RIPOR1: variants seen among roughly 807,000 people sequenced by gnomAD.
RIPOR1 encodes the protein rho family-interacting cell polarization regulator 1.
Under a neutral mutation model 116.5 loss-of-function variants are expected in RIPOR1, and 58 were observed. That is an observed-to-expected ratio of 0.50 (90% confidence interval 0.40 to 0.62). RIPOR1 has a LOEUF of 0.62. Ranked by LOEUF, RIPOR1 falls within the 20% of genes least tolerant of loss-of-function variation. The pLI is 0.00. For synonymous variants in RIPOR1, 605 were observed against 650.0 expected (o/e 0.93, Z 1.05); for missense variants, 1,372 against 1,586.2 (o/e 0.86, Z 2.29).
intron 4 of RIPOR1, 130 bp downstream of exon 4, chr16:67,539,198 A>C: frequency 1.3e-6 from 1 of 768,726 alleles, no homozygotes; most frequent in Non-Finnish European, 2.1e-6. Flanking sequence ...AGGGGATATC[A>C]GGAAAGGCTG....
rs79838407 is a variant in RIPOR1, at chr16:67,546,715, A to T, written c.*252A>T. 7.7e-3 allele frequency: 4,366 copies of T among 566,506 alleles called. 162 individuals carry two copies. The highest frequency in any genetic ancestry group is 0.073 in the African/African-American group (3,921 of 53,398). 35.1% of individuals were successfully genotyped at this position (566,506 alleles called of 1,614,324 possible). ...GGGCTTGGCCACCCTGCCGCTGCCC[A>T]GCCACATCCCTTGGTTTTGTATTTT... On this transcript the variant is annotated 3_prime_UTR_variant, in exon 22 of 22. Coordinates refer to ENST00000042381, the MANE Select transcript of RIPOR1 (RefSeq NM_024519.4).
rs1290709979 is a variant in RIPOR1, at chr16:67,537,514, G to C, written c.-23-910G>C. The C allele has an allele frequency of 8.6e-6, 11 of 1,282,254 alleles. No homozygotes were observed. Among genetic ancestry groups the C allele is most frequent in the Middle Eastern group, 2.0e-4 (1 of 4,896 alleles). The allele number at this position is 1,282,254 out of a possible 1,614,324, so 79.4% of individuals were successfully genotyped here. A position where few individuals can be genotyped will look rare whatever the true frequency, so the allele number is the denominator to read the frequency against. On this transcript the variant is annotated intron_variant, in intron 1 of 21. Transcript: ENST00000042381. This position sits in a 1 kb window ranked among gnomAD's most constrained non-coding sequence, Gnocchi z 4.6. ...AGCCCGGAGCCCAGCCGGGCGGCTC[G>C]AAGTGGCCAGGGCCGGAAGGTCCGC...
chr16:67,532,381 C>T (rs1431451254), intron 1 of RIPOR1, among the ~76,000 whole-genome samples: 2 of 151,330 alleles, frequency 1.3e-5, no homozygotes, highest in East Asian at 1.9e-4. Context: ...TGAAACTGAT[C>T]GCTTGAGCCC....
At position 67,543,499 on chromosome 16, in the gene RIPOR1, G is replaced by A. The variant is rs1337059637; in HGVS notation, c.2600+30G>A. 10 of 1,545,572 alleles carry A rather than the reference G, an allele frequency of 6.5e-6. No individual in the cohort carries two copies. In the South Asian group the frequency reaches 1.1e-4, roughly 17 times the overall value. On this transcript the variant is annotated intron_variant, in intron 14 of 21. Coordinates refer to ENST00000042381, the MANE Select transcript of RIPOR1 (RefSeq NM_024519.4). The surrounding 1 kb of genome is among the most constrained non-coding windows in gnomAD (Gnocchi z 4.7). Reference sequence around the variant, plus strand: ...GGGGGCTAGGCAAGATGGGTGTGAGGCTAGGTGAGAGGGAAAAGGTGAGGC... The same window carrying A: ...GGGGGCTAGGCAAGATGGGTGTGAGACTAGGTGAGAGGGAAAAGGTGAGGC...
At position 67,539,730 on chromosome 16, in the gene RIPOR1, C is replaced by T; in HGVS notation, c.339C>T (p.Gly113=). 1 of 1,614,168 alleles carries T rather than the reference C, an allele frequency of 6.2e-7. No individual in the cohort carries two copies. Among genetic ancestry groups the T allele is most frequent in the Non-Finnish European group, 8.5e-7 (1 of 1,180,014 alleles). ...IRESKRNSRL[G]FLYDLDKQVK... The stretch of plus-strand genomic sequence containing the variant: ...GCCCCTTCTCCCCACCCCTGCAGGG[C>T]TTCCTGTATGATCTGGACAAGGTGA... Residue 113 remains glycine (G), a splice_region_variant and synonymous_variant, in exon 5 of 22, where the codon GGC becomes GGT. Coordinates refer to ENST00000042381, the MANE Select transcript of RIPOR1 (RefSeq NM_024519.4).
At position 67,537,895 on chromosome 16, in the gene RIPOR1, A is replaced by G. The variant is rs2050841970; in HGVS notation, c.-23-529A>G. Among the ~76,000 whole-genome samples, 1 of 148,606 alleles carries G rather than the reference A, an allele frequency of 6.7e-6. No individual in the cohort carries two copies. The highest frequency in any genetic ancestry group is 2.1e-4 in the South Asian group (1 of 4,674). Reference sequence around the variant, plus strand: ...GCTGGGGGCAGCAGGTCACGCTGGCAGGCGGGGGGCGGGCGACAAACCCGC... The same window carrying G: ...GCTGGGGGCAGCAGGTCACGCTGGCGGGCGGGGGGCGGGCGACAAACCCGC... On this transcript the variant is annotated intron_variant, in intron 1 of 21. Transcript: ENST00000042381. The surrounding 1 kb of genome is among the most constrained non-coding windows in gnomAD (Gnocchi z 4.6).
At chr16:67,546,299 T>A in intron 21 of RIPOR1, 67 bp from the exon 22 acceptor site, 1 of 1,607,410 alleles carries the variant, frequency 6.2e-7, no homozygotes, top group Non-Finnish European at 8.5e-7. Flanking sequence ...GTAGGAGAGA[T>A]GGCGCCAGGG....
At chr16:67,524,967 A>G (rs1202330905), upstream of RIPOR1, among the ~76,000 whole-genome samples, 1 of 152,208 alleles carries the variant, frequency 6.6e-6, no homozygotes, top group African/African-American at 2.4e-5. Context: ...CATCACCCCA[A>G]GGGTAAAATC....
chr16:67,529,000 G>C (rs1235986700), intron 1 of RIPOR1, 86 bp downstream of exon 1: 1 of 166,480 alleles, frequency 6.0e-6, no homozygotes, highest in East Asian at 1.9e-4. Flanking sequence ...GGCGCCGCCC[G>C]GTGGGTCCGG....
intron 1 of RIPOR1, among the ~76,000 whole-genome samples, chr16:67,522,648 T>G (rs939653287): frequency 4.6e-5 from 7 of 152,190 alleles, no homozygotes; most frequent in Admixed American, 2.0e-4. Context: ...ACCATGCTTA[T>G]TATATTGAGT....
Position 67,544,463 on chromosome 16 carries a change from T to C in RIPOR1, c.2733+32T>C. 6.3e-7 allele frequency: 1 copy of C among 1,587,168 alleles called. No individual in the cohort carries two copies. The highest frequency in any genetic ancestry group is 8.6e-7 in the Non-Finnish European group (1 of 1,167,026). On this transcript the variant is annotated intron_variant, in intron 15 of 21. Transcript: ENST00000042381. The surrounding 1 kb of genome is among the most constrained non-coding windows in gnomAD (Gnocchi z 5.1). The stretch of plus-strand genomic sequence containing the variant: ...CTGATGGTGTTCCCCCACCCTTCCT[T>C]TGTAACCCCTAACCCCAGGGAGTCC...
Position 67,529,918 on chromosome 16 carries a change from G to T in RIPOR1, c.-24+1004G>T. The T allele has an allele frequency of 8.5e-7, 1 of 1,179,768 alleles. No individual in the cohort carries two copies. Among genetic ancestry groups the T allele is most frequent in the Non-Finnish European group, 1.2e-6 (1 of 821,564 alleles). 73.1% of individuals were successfully genotyped at this position (1,179,768 alleles called of 1,614,324 possible). A position where few individuals can be genotyped will look rare whatever the true frequency, so the allele number is the denominator to read the frequency against. Reference sequence around the variant, plus strand: ...TGGGAGAAGCGAGGATTAGATCTGAGTCCTTGCCCCTGCGACACCCACCTC... The same window carrying T: ...TGGGAGAAGCGAGGATTAGATCTGATTCCTTGCCCCTGCGACACCCACCTC... On this transcript the variant is annotated intron_variant, in intron 1 of 21. Coordinates refer to ENST00000042381, the MANE Select transcript of RIPOR1 (RefSeq NM_024519.4). The surrounding 1 kb of genome is among the most constrained non-coding windows in gnomAD (Gnocchi z 4.1).
chr16:67,545,690 G>T lies in RIPOR1; in HGVS notation c.3217G>T (p.Asp1073Tyr), dbSNP rs1256576923. The T allele has an allele frequency of 6.3e-6, 10 of 1,575,896 alleles. No individual in the cohort carries two copies. The highest frequency in any genetic ancestry group is 8.6e-6 in the Non-Finnish European group (10 of 1,160,572). Residue 1073 changes from aspartate to tyrosine, a missense_variant, in exon 19 of 22, where the codon GAT (aspartate) becomes TAT (tyrosine). Asp to Tyr is a radical substitution (Grantham distance 160). This residue lies in a region of RIPOR1 where 1,005 missense variants were observed against 1,144.7 expected (regional missense o/e 0.88). Coordinates refer to ENST00000042381, the MANE Select transcript of RIPOR1 (RefSeq NM_024519.4). This position sits in a 1 kb window ranked among gnomAD's most constrained non-coding sequence, Gnocchi z 4.8. Reference protein sequence around the residue: ...EVLLVRNLNSDDQAVVLKALR... With the variant: ...EVLLVRNLNSYDQAVVLKALR... ...GCTACTGGTGCGGAATCTGAACTCG[G>T]ATGATCAGGCTGTTGTGCTGAAGGC...
At chr16:67,532,189 G>C (rs529870654) in intron 1 of RIPOR1, among the ~76,000 whole-genome samples, 1 of 152,100 alleles carries the variant, frequency 6.6e-6, no homozygotes, top group South Asian at 2.1e-4. Flanking sequence ...GTGAGCCACC[G>C]CACCCGGCCG....
At chr16:67,524,538 C>T (rs1479523437), upstream of RIPOR1, among the ~76,000 whole-genome samples, 2 of 152,160 alleles carry the variant, frequency 1.3e-5, no homozygotes, top group Non-Finnish European at 2.9e-5. Flanking sequence ...GCCTTCTGGA[C>T]ACTTCCTCCT....
chr16:67,531,774 C>G lies in RIPOR1; in HGVS notation c.-24+2860C>G, dbSNP rs963632354. Reference sequence around the variant, plus strand: ...GAGAGTCTGGGCTTTCTCCCTGGGACAAGAGTGGCTGTGGCTATTTCACAT... The same window carrying G: ...GAGAGTCTGGGCTTTCTCCCTGGGAGAAGAGTGGCTGTGGCTATTTCACAT... On this transcript the variant is annotated intron_variant, in intron 1 of 21. Coordinates refer to ENST00000042381, the MANE Select transcript of RIPOR1 (RefSeq NM_024519.4). This position sits in a 1 kb window ranked among gnomAD's most constrained non-coding sequence, Gnocchi z 4.2. 9.2e-6 allele frequency: 3 copies of G among 327,836 alleles called. No homozygotes were observed. The highest frequency in any genetic ancestry group is 6.6e-5 in the African/African-American group (3 of 45,546). 20.3% of individuals were successfully genotyped at this position (327,836 alleles called of 1,614,324 possible).
At position 67,537,649 on chromosome 16, in the gene RIPOR1, C is replaced by G; in HGVS notation, c.-23-775C>G. 7.8e-7 allele frequency: 1 copy of G among 1,282,330 alleles called. No homozygotes were observed. Among genetic ancestry groups the G allele is most frequent in the East Asian group, 3.1e-5 (1 of 32,528 alleles). The allele number at this position is 1,282,330 out of a possible 1,614,324, so 79.4% of individuals were successfully genotyped here. ...GCTCAGGGACTGGCCCCAGGGGAAG[C>G]AGGCCGGGTTTGGGGGCCAGGAGTG... is the stretch of plus-strand genomic sequence containing the variant. On this transcript the variant is annotated intron_variant, in intron 1 of 21. Transcript: ENST00000042381. This position sits in a 1 kb window ranked among gnomAD's most constrained non-coding sequence, Gnocchi z 4.6.
At chr16:67,520,288 G>A (rs759328047) in intron 1 of RIPOR1, among the ~76,000 whole-genome samples, 9 of 151,632 alleles carry the variant, frequency 5.9e-5, no homozygotes, top group Non-Finnish European at 1.3e-4. Context: ...CGCTGAGGTG[G>A]GAGGATCACT....
upstream of RIPOR1, among the ~76,000 whole-genome samples, chr16:67,527,224 G>A (rs1567559388): frequency 6.7e-6 from 1 of 148,814 alleles, no homozygotes; most frequent in East Asian, 2.0e-4. Context: ...AGGAGGTGGA[G>A]GCCAGCCTGG....
Sources: allele counts gnomAD v4.1 joint callset (sites outside exome capture counted in the v4.1 genomes callset), GRCh38; gene constraint gnomAD v4.1.1; regional missense constraint gnomAD v4.1.1; non-coding constraint Gnocchi (gnomAD v3.1); transcripts MANE v1.5; gene names NCBI Gene and HGNC (gene_info 2026-07-23, HGNC 2026-07-21).